ACACA: variants seen among roughly 807,000 people sequenced by gnomAD.
ACACA encodes the protein acetyl-CoA carboxylase alpha, also known as acetyl-CoA carboxylase 1.
A neutral mutation model predicts 296.1 loss-of-function variants in ACACA; 103 were observed. The ratio of observed to expected loss-of-function variants is 0.35; its 90% CI spans 0.30 to 0.41. The LOEUF is 0.41. Ranked by LOEUF, ACACA falls within the 10% of genes least tolerant of loss-of-function variation. The pLI is 1.00. For missense variants in ACACA, 1,554 were observed against 2,989.7 expected (o/e 0.52, Z 11.20); for synonymous variants, 953 against 1,038.6 (o/e 0.92, Z 1.58).
chr17:37,378,933 C>T (rs1192686031), intron 1 of ACACA, among the ~76,000 whole-genome samples: 2 of 152,006 alleles, frequency 1.3e-5, no homozygotes, highest in African/African-American at 4.8e-5. Context: ...AAGTGGCATA[C>T]ACCTGTAGTC....
intron 41 of ACACA, among the ~76,000 whole-genome samples, chr17:37,178,787 C>A (rs1217639224): frequency 6.6e-6 from 1 of 151,842 alleles, no homozygotes; most frequent in Non-Finnish European, 1.5e-5. Flanking sequence ...TGTGACAGAG[C>A]GAGACACCAT....
intron 54 of ACACA, among the ~76,000 whole-genome samples, chr17:37,093,167 T>C (rs1717151297): frequency 6.6e-6 from 1 of 152,172 alleles, no homozygotes; most frequent in African/African-American, 2.4e-5. Context: ...TCAGTGGAAA[T>C]AAGTGACCCT....
chr17:37,334,216 A>G (rs1271393788), intron 2 of ACACA, among the ~76,000 whole-genome samples: 3 of 152,086 alleles, frequency 2.0e-5, no homozygotes, highest in African/African-American at 7.2e-5. Context: ...AAAAAGCAGG[A>G]CTTAGTCCAT....
In ACACA at chr17:37,288,259, A is replaced by G. The variant is rs997278903; in HGVS notation, c.339-3289T>C. Among the ~76,000 whole-genome samples, 26 of 152,280 alleles carry G rather than the reference A, an allele frequency of 1.7e-4. No individual in the cohort carries two copies. In the South Asian group the frequency reaches 2.3e-3, roughly 13 times the overall value. ...TATTATTGCATGTATTTTTAAATAA[A>G]TAAAAATTACCTTCCTGTCCTTAAC... On this transcript the variant is annotated intron_variant, in intron 3 of 55. Transcript: ENST00000616317.
chr17:37,403,452 G>A lies in ACACA; in HGVS notation c.38+2810C>T, dbSNP rs1351480828. ...AGTGGTGTGATACTGGGTCAATGCAGCCTCAACCCTCTGGGCTGAAGTGAT... is the reference window on the plus strand; with the variant it reads ...AGTGGTGTGATACTGGGTCAATGCAACCTCAACCCTCTGGGCTGAAGTGAT... On this transcript the variant is annotated intron_variant, in intron 1 of 55. Transcript: ENST00000616317. Among the ~76,000 whole-genome samples, 43 of 147,494 alleles carry A rather than the reference G, an allele frequency of 2.9e-4. No individual in the cohort carries two copies. The Admixed American group carries it at 3.0e-3, about 10-fold the overall frequency.
At chr17:37,150,938 G>A (rs1450877879) in intron 44 of ACACA, among the ~76,000 whole-genome samples, 1 of 151,960 alleles carries the variant, frequency 6.6e-6, no homozygotes, top group African/African-American at 2.4e-5. Context: ...TGTAGTCCCA[G>A]CTACTCAGGA....
chr17:37,173,869 A>G (rs2076966147), intron 41 of ACACA, among the ~76,000 whole-genome samples: 1 of 145,762 alleles, frequency 6.9e-6, no homozygotes, highest in Non-Finnish European at 1.5e-5. Context: ...GCTGGAGTGC[A>G]GTCGTGCGAT....
intron 7 of ACACA, 141 bp downstream of exon 7, chr17:37,276,890 TGA>T: frequency 1.3e-6 from 1 of 755,170 alleles, no homozygotes; most frequent in Non-Finnish European, 2.4e-6. Flanking sequence ...AGGGTTACTC[TGA>T]GAGTTAGTAA....
At chr17:37,193,517 A>G in intron 35 of ACACA, 102 bp from the exon 36 acceptor site, 1 of 881,830 alleles carries the variant, frequency 1.1e-6, no homozygotes, top group Non-Finnish European at 1.9e-6. Flanking sequence ...ACAGTTTTCT[A>G]GAAAAACATG....
chr17:37,112,720 C>A (rs778225041), intron 51 of ACACA, among the ~76,000 whole-genome samples: 1 of 152,132 alleles, frequency 6.6e-6, no homozygotes, highest in Non-Finnish European at 1.5e-5. Context: ...TCCACTAAAA[C>A]GACTGGAGGT....
intron 43 of ACACA, 92 bp downstream of exon 43, chr17:37,155,591 C>T: frequency 1.1e-6 from 1 of 878,034 alleles, no homozygotes; most frequent in East Asian, 2.4e-5. Context: ...CAATGTTCTT[C>T]AAGGTTATGA....
intron 29 of ACACA, among the ~76,000 whole-genome samples, chr17:37,213,170 C>CACAT (rs1555599054): frequency 2.2e-4 from 33 of 151,434 alleles, no homozygotes; most frequent in Admixed American, 7.9e-4. Flanking sequence ...CACACACACA[C>CACAT]ATACACACAC....
intron 29 of ACACA, among the ~76,000 whole-genome samples, chr17:37,217,749 A>AC (rs1856037317): frequency 1.4e-5 from 2 of 141,672 alleles, no homozygotes; most frequent in African/African-American, 2.8e-5. Context: ...AAAAAAAAAA[A>AC]AAAAAAAAAA....
chr17:37,219,529 G>T (rs1216400753), intron 29 of ACACA, among the ~76,000 whole-genome samples: 1 of 152,046 alleles, frequency 6.6e-6, no homozygotes, highest in Non-Finnish European at 1.5e-5. Context: ...GGTGGACTGA[G>T]CCCTTAGCCT....
At chr17:37,168,947 C>T (rs945191889) in intron 41 of ACACA, among the ~76,000 whole-genome samples, 1 of 152,052 alleles carries the variant, frequency 6.6e-6, no homozygotes, top group African/African-American at 2.4e-5. Flanking sequence ...AGGACTGTAC[C>T]ACATGTATTA....
chr17:37,121,169 T>A (rs1045532773), intron 50 of ACACA, among the ~76,000 whole-genome samples, 186 bp downstream of exon 50: 1 of 152,226 alleles, frequency 6.6e-6, no homozygotes, highest in African/African-American at 2.4e-5. Context: ...AAATTCTGTA[T>A]GGAATTATAA....
At chr17:37,091,801 C>T (rs1430388819) in intron 54 of ACACA, among the ~76,000 whole-genome samples, 1 of 151,948 alleles carries the variant, frequency 6.6e-6, no homozygotes, top group Non-Finnish European at 1.5e-5. Flanking sequence ...GTCTTGAACT[C>T]CTGGGCTCAA....
At chr17:37,139,113 C>T (rs2075451876) in intron 45 of ACACA, among the ~76,000 whole-genome samples, 1 of 152,002 alleles carries the variant, frequency 6.6e-6, no homozygotes, top group Admixed American at 6.6e-5. Flanking sequence ...AAAGACAGAG[C>T]TATGAATATA....
chr17:37,171,684 C>CTT (rs61266482), intron 41 of ACACA, among the ~76,000 whole-genome samples: 50,495 of 151,820 alleles, frequency 0.33, 10,442 homozygotes, highest in African/African-American at 0.57. Context: ...AAAAATATAA[C>CTT]TTAGAGCAAA....
Sources: gnomAD v4.1 joint callset for allele counts (sites outside exome capture counted in the v4.1 genomes callset) on GRCh38, gnomAD v4.1.1 for gene constraint, MANE v1.5 for transcripts, NCBI Gene and HGNC (gene_info 2026-07-23, HGNC 2026-07-21) for gene names.